NFIC: variants seen among roughly 807,000 people sequenced by gnomAD.
The protein encoded by NFIC is nuclear factor I C.
In NFIC, 12 loss-of-function variants were observed where a neutral mutation model predicts 54.4. That is an observed-to-expected ratio of 0.22 (90% CI 0.14 to 0.36). The LOEUF (loss-of-function observed/expected upper bound fraction) is 0.36, where lower values mean the gene tolerates loss of function less well. NFIC is among the 10% of genes least tolerant of loss of function. The pLI, the probability that NFIC is intolerant of heterozygous loss-of-function variation, is 1.00. For synonymous variants in NFIC, 322 were observed against 319.2 expected (o/e 1.01, Z -0.09); for missense variants, 575 against 718.2 (o/e 0.80, Z 2.28).
chr19:3,383,358 T>C (rs1215939277), intron 2 of NFIC, among the ~76,000 whole-genome samples: 3 of 152,108 alleles, frequency 2.0e-5, no homozygotes, highest in African/African-American at 7.2e-5. Flanking sequence ...CTCTGCAGGA[T>C]GGCCAGGCCA....
At chr19:3,427,776 G>A (rs192483477) in intron 3 of NFIC, among the ~76,000 whole-genome samples, 108 of 142,930 alleles carry the variant, frequency 7.6e-4, no homozygotes, top group African/African-American at 2.5e-3. Flanking sequence ...GTGGTGAGCC[G>A]AGATTGTGCA....
intron 2 of NFIC, among the ~76,000 whole-genome samples, chr19:3,393,036 G>A (rs930606369): frequency 3.9e-5 from 6 of 152,162 alleles, no homozygotes; most frequent in African/African-American, 1.2e-4. Flanking sequence ...CGCCTCCTGA[G>A]TTCAAGCAAT....
At chr19:3,419,833 A>T (rs2081925803) in intron 2 of NFIC, among the ~76,000 whole-genome samples, 1 of 151,940 alleles carries the variant, frequency 6.6e-6, no homozygotes, top group South Asian at 2.1e-4. Context: ...ATTAAAAAAC[A>T]CATAAATTCC....
At chr19:3,368,581 C>T (rs1035330688) in intron 1 of NFIC, among the ~76,000 whole-genome samples, 2 of 152,180 alleles carry the variant, frequency 1.3e-5, no homozygotes, top group African/African-American at 2.4e-5. Context: ...GTGGGGACAG[C>T]GAGTCCCAAG....
intron 2 of NFIC, among the ~76,000 whole-genome samples, chr19:3,406,759 G>A (rs1420450487): frequency 6.6e-6 from 1 of 152,158 alleles, no homozygotes; most frequent in South Asian, 2.1e-4. Flanking sequence ...AGGGATGTGA[G>A]GAGGCGAAAA....
chr19:3,383,207 G>A (rs1187118160), intron 2 of NFIC, among the ~76,000 whole-genome samples: 2 of 152,156 alleles, frequency 1.3e-5, no homozygotes, highest in African/African-American at 4.8e-5. Flanking sequence ...CTCAGACCAT[G>A]CCAGCAGAGG....
At chr19:3,374,796 T>C (rs2081077036) in intron 1 of NFIC, among the ~76,000 whole-genome samples, 1 of 152,106 alleles carries the variant, frequency 6.6e-6, no homozygotes, top group South Asian at 2.1e-4. Flanking sequence ...TTGCAGGTCA[T>C]GTGGGAGAAA....
At chr19:3,391,476 C>A (rs913196379) in intron 2 of NFIC, among the ~76,000 whole-genome samples, 1 of 151,924 alleles carries the variant, frequency 6.6e-6, no homozygotes, top group African/African-American at 2.4e-5. Context: ...CATGGTAAAA[C>A]CCTGTCTCTA....
At chr19:3,360,171 G>T (rs1403200645) in intron 1 of NFIC, among the ~76,000 whole-genome samples, 1 of 145,776 alleles carries the variant, frequency 6.9e-6, no homozygotes, top group Non-Finnish European at 1.5e-5. Context: ...GGGCGAGCGC[G>T]GCGCGCCAGC....
At chr19:3,429,610 CA>C (rs1031627005) in intron 3 of NFIC, among the ~76,000 whole-genome samples, 3 of 152,192 alleles carry the variant, frequency 2.0e-5, no homozygotes, top group Admixed American at 1.3e-4. Flanking sequence ...AAGATTGTAA[CA>C]GGGGGACTGG....
chr19:3,444,896 CAG>C (rs369848599), intron 6 of NFIC, among the ~76,000 whole-genome samples: 157 of 152,158 alleles, frequency 1.0e-3, no homozygotes, highest in African/African-American at 3.6e-3. Flanking sequence ...TGCATGCTTG[CAG>C]ACCTGTACGT....
upstream of NFIC, chr19:3,366,546 T>TGGGGGGGGGGGGG (rs1568394588): frequency 1.9e-5 from 6 of 317,336 alleles, no homozygotes; most frequent in African/African-American, 9.5e-5. Context: ...GGGGGGGGGG[T>TGGGGGGGGGGGGG]TGGGGGGGGC....
chr19:3,448,972 G>A (rs772207835), intron 6 of NFIC, 42 bp from the exon 7 acceptor site: 3 of 1,589,642 alleles, frequency 1.9e-6, no homozygotes, highest in South Asian at 1.1e-5. Context: ...GGCTCATGGG[G>A]TGTGACCAGC....
At position 3,459,213 on chromosome 19, in the gene NFIC, C is replaced by T. The variant is rs901965516; in HGVS notation, c.1509+2578C>T. Among the ~76,000 whole-genome samples, 5 of 151,360 alleles carry T rather than the reference C, an allele frequency of 3.3e-5. No individual in the cohort carries two copies. Among genetic ancestry groups the T allele is most frequent in the Non-Finnish European group, 7.4e-5 (5 of 67,774 alleles). On this transcript the variant is annotated intron_variant, in intron 10 of 10. Transcript: ENST00000443272. The surrounding 1 kb of genome is among the most constrained non-coding windows in gnomAD (Gnocchi z 4.2). ...CTGGGTGGGCGCGCCTTTCCCTCTGCCTCTCCGGCTCCCGACACCCCCCAG... is the reference window on the plus strand; with the variant it reads ...CTGGGTGGGCGCGCCTTTCCCTCTGTCTCTCCGGCTCCCGACACCCCCCAG...
At chr19:3,450,093 C>T (rs1479061113) in intron 7 of NFIC, among the ~76,000 whole-genome samples, 1 of 152,016 alleles carries the variant, frequency 6.6e-6, no homozygotes, top group African/African-American at 2.4e-5. Context: ...CGCCTGTAAT[C>T]CCAGCACTTT....
intron 1 of NFIC, among the ~76,000 whole-genome samples, chr19:3,377,333 CAAAAAA>C (rs71164684): frequency 6.9e-4 from 40 of 57,860 alleles, no homozygotes; most frequent in South Asian, 2.2e-3. Flanking sequence ...GACTCTGTCT[CAAAAAA>C]AAAAAAAAAA....
intron 2 of NFIC, among the ~76,000 whole-genome samples, chr19:3,405,622 G>A (rs1234224375): frequency 1.3e-5 from 2 of 151,784 alleles, no homozygotes; most frequent in Admixed American, 1.3e-4. Flanking sequence ...TTTTTGAGAT[G>A]GAGTTTCACT....
intron 1 of NFIC, among the ~76,000 whole-genome samples, chr19:3,368,883 TTC>T (rs924754401): frequency 4.7e-5 from 7 of 149,936 alleles, no homozygotes; most frequent in African/African-American, 1.7e-4. Flanking sequence ...TTGTCTGTCT[TTC>T]TCTCTTTCTC....
At chr19:3,430,709 G>T (rs1165785023) in intron 3 of NFIC, among the ~76,000 whole-genome samples, 1 of 151,888 alleles carries the variant, frequency 6.6e-6, no homozygotes, top group Admixed American at 6.6e-5. Flanking sequence ...CAAGGTGGGT[G>T]GATCATGTGG....
Sources: allele counts gnomAD v4.1 joint callset (sites outside exome capture counted in the v4.1 genomes callset), GRCh38; gene constraint gnomAD v4.1.1; non-coding constraint Gnocchi (gnomAD v3.1); transcripts MANE v1.5; gene names NCBI Gene and HGNC (gene_info 2026-07-23, HGNC 2026-07-21).